Variants in GRM1 observed in about 807,000 individuals in gnomAD.
The protein encoded by GRM1 is glutamate metabotropic receptor 1.
In GRM1, 33 loss-of-function variants were observed where a neutral mutation model predicts 90.9. The ratio of observed to expected loss-of-function variants is 0.36; its 90% CI spans 0.28 to 0.49. GRM1 has a LOEUF of 0.49. GRM1 is among the 20% of genes least tolerant of loss of function. The probability of loss-of-function intolerance (pLI) is 0.99; values close to 1 mark genes in which losing one functional copy is unlikely to be tolerated. For missense variants in GRM1, 1,190 were observed against 1,534.3 expected (o/e 0.78, Z 3.75); for synonymous variants, 700 against 613.2 (o/e 1.14, Z -2.09).
At chr6:146,350,282 T>C (rs553107204) in intron 3 of GRM1, among the ~76,000 whole-genome samples, 159 of 152,314 alleles carry the variant, frequency 1.0e-3, no homozygotes, top group African/African-American at 3.7e-3. Flanking sequence ...TCAGTGTCCA[T>C]AAGGCTTGTG....
chr6:146,345,767 A>G (rs892952391), intron 3 of GRM1, among the ~76,000 whole-genome samples: 1 of 152,202 alleles, frequency 6.6e-6, no homozygotes, highest in South Asian at 2.1e-4. Context: ...AGGCTTGGCA[A>G]GGATTCTGAC....
Position 146,149,091 on chromosome 6 carries a change from G to A in GRM1, c.701-10257G>A, listed in dbSNP as rs553777328. Among the ~76,000 whole-genome samples the A allele has an allele frequency of 6.6e-5, 10 of 152,298 alleles. No individual in the cohort carries two copies. In the South Asian group the frequency reaches 2.1e-3, roughly 32 times the overall value. On this transcript the variant is annotated intron_variant, in intron 1 of 7. Transcript: ENST00000282753. The stretch of plus-strand genomic sequence containing the variant: ...TTTCATAAATAGCTAACTGAAGTTA[G>A]AGAATCAATGAAGTGGATCATTGTA...
At chr6:146,392,937 T>C (rs1776785814) in intron 6 of GRM1, among the ~76,000 whole-genome samples, 1 of 152,204 alleles carries the variant, frequency 6.6e-6, no homozygotes. Flanking sequence ...AGTCTATCAT[T>C]GTGGGCATTT....
chr6:146,052,066 A>G (rs1032032610), intron 1 of GRM1, among the ~76,000 whole-genome samples: 1 of 152,088 alleles, frequency 6.6e-6, no homozygotes, highest in Non-Finnish European at 1.5e-5. Flanking sequence ...CCTTGTACAT[A>G]GGCTGAAAAT....
chr6:146,342,592 A>T (rs1254417278), intron 3 of GRM1, among the ~76,000 whole-genome samples: 2 of 152,164 alleles, frequency 1.3e-5, no homozygotes, highest in African/African-American at 4.8e-5. Flanking sequence ...TTGACCCACT[A>T]GTCTTTAGAT....
At chr6:146,373,231 T>C (rs1029102826) in intron 5 of GRM1, among the ~76,000 whole-genome samples, 21 of 152,100 alleles carry the variant, frequency 1.4e-4, no homozygotes, top group Non-Finnish European at 2.8e-4. Context: ...ATTAGTCTGT[T>C]CTCCCACTGC....
intron 5 of GRM1, among the ~76,000 whole-genome samples, chr6:146,383,956 G>A (rs1396597237): frequency 6.6e-6 from 1 of 152,094 alleles, no homozygotes; most frequent in Non-Finnish European, 1.5e-5. Context: ...ATGACCTTGA[G>A]TTCATGGAAG....
At chr6:146,316,984 C>T (rs549228922) in intron 3 of GRM1, among the ~76,000 whole-genome samples, 11 of 152,286 alleles carry the variant, frequency 7.2e-5, no homozygotes, top group East Asian at 5.8e-4. Flanking sequence ...GCACAACCTG[C>T]GTTAATAGCC....
chr6:146,263,995 A>G (rs777810789), intron 2 of GRM1, among the ~76,000 whole-genome samples: 2 of 152,122 alleles, frequency 1.3e-5, no homozygotes, highest in Non-Finnish European at 2.9e-5. Context: ...GAGTTAATGA[A>G]TGTTAAATTA....
At chr6:146,186,774 C>T (rs1778747951) in intron 2 of GRM1, among the ~76,000 whole-genome samples, 1 of 152,170 alleles carries the variant, frequency 6.6e-6, no homozygotes. Context: ...CAAACACCCA[C>T]AACATTTTAG....
At chr6:146,091,362 T>A (rs1440236507) in intron 1 of GRM1, among the ~76,000 whole-genome samples, 1 of 152,068 alleles carries the variant, frequency 6.6e-6, no homozygotes, top group Admixed American at 6.6e-5. Context: ...ATTTTGATAG[T>A]GTATTCATGA....
chr6:146,247,958 C>T (rs1781131148), intron 2 of GRM1, among the ~76,000 whole-genome samples: 1 of 151,042 alleles, frequency 6.6e-6, no homozygotes, highest in African/African-American at 2.4e-5. Context: ...ATTTTAGAGC[C>T]TCATCAAGTT....
At chr6:146,240,789 A>G (rs1017764087) in intron 2 of GRM1, among the ~76,000 whole-genome samples, 2 of 152,162 alleles carry the variant, frequency 1.3e-5, no homozygotes, top group Non-Finnish European at 2.9e-5. Flanking sequence ...TTTGAGGCTT[A>G]TTCAGTTGAA....
intron 1 of GRM1, among the ~76,000 whole-genome samples, chr6:146,068,237 C>T (rs565102524): frequency 8.7e-4 from 133 of 152,224 alleles, no homozygotes; most frequent in Non-Finnish European, 1.5e-3. Context: ...CCTCAGCCTC[C>T]TGAGTAGCTG....
At chr6:146,307,550 T>G (rs2114932953) in intron 3 of GRM1, among the ~76,000 whole-genome samples, 1 of 152,292 alleles carries the variant, frequency 6.6e-6, no homozygotes, top group South Asian at 2.1e-4. Flanking sequence ...AACAATAAAC[T>G]TTCACTTCAT....
At chr6:146,067,906 G>A (rs1475548795) in intron 1 of GRM1, among the ~76,000 whole-genome samples, 1 of 152,132 alleles carries the variant, frequency 6.6e-6, no homozygotes, top group East Asian at 1.9e-4. Context: ...TCATAATAGA[G>A]AAAATAATCT....
intron 2 of GRM1, among the ~76,000 whole-genome samples, chr6:146,189,142 T>G (rs1387534752): frequency 6.6e-6 from 1 of 152,232 alleles, no homozygotes; most frequent in Non-Finnish European, 1.5e-5. Flanking sequence ...CTCCTACTTC[T>G]TAATTGTTGA....
intron 2 of GRM1, among the ~76,000 whole-genome samples, chr6:146,169,967 C>G (rs971169445): frequency 2.0e-5 from 3 of 152,076 alleles, no homozygotes; most frequent in East Asian, 1.9e-4. Flanking sequence ...TTTGATTTGT[C>G]TTTCTCTAAT....
intron 2 of GRM1, among the ~76,000 whole-genome samples, chr6:146,203,070 T>G (rs1271298208): frequency 6.6e-6 from 1 of 151,878 alleles, no homozygotes; most frequent in Non-Finnish European, 1.5e-5. Context: ...GCCGGGCGCC[T>G]GTAGTCCCAG....
Sources: gnomAD v4.1 joint callset for allele counts (sites outside exome capture counted in the v4.1 genomes callset) on GRCh38, gnomAD v4.1.1 for gene constraint, MANE v1.5 for transcripts, NCBI Gene and HGNC (gene_info 2026-07-23, HGNC 2026-07-21) for gene names.